The following ITGA8 variants were observed in gnomAD, a reference collection of about 807,000 sequenced individuals.
The protein encoded by ITGA8 is integrin subunit alpha 8, also known as integrin alpha-8.
In ITGA8, 91 loss-of-function variants were observed where a neutral mutation model predicts 142.3. The ratio of observed to expected loss-of-function variants is 0.64; its 90% CI spans 0.54 to 0.76. The LOEUF (loss-of-function observed/expected upper bound fraction) is 0.76, where lower values mean the gene tolerates loss of function less well. Ranked by LOEUF, ITGA8 falls within the 30% of genes least tolerant of loss-of-function variation. ITGA8 has a pLI of 0.00. For missense variants in ITGA8, 1,406 were observed against 1,327.7 expected, an observed-to-expected ratio of 1.06 and a Z score of -0.92; for synonymous variants, 505 against 485.2, an observed-to-expected ratio of 1.04 and a Z score of -0.54.
At chr10:15,520,778 G>A (rs1327678467) in intron 28 of ITGA8, among the ~76,000 whole-genome samples, 1 of 152,202 alleles carries the variant, frequency 6.6e-6, no homozygotes, top group Non-Finnish European at 1.5e-5. Flanking sequence ...CCACTCAGCT[G>A]GTCTAAGGTC....
intron 26 of ITGA8, among the ~76,000 whole-genome samples, chr10:15,557,436 T>A (rs1339294292): frequency 6.6e-6 from 1 of 152,194 alleles, no homozygotes; most frequent in African/African-American, 2.4e-5. Flanking sequence ...TGCTAAGGGC[T>A]AACTAAGCTC....
intron 2 of ITGA8, among the ~76,000 whole-genome samples, chr10:15,695,057 TAA>T (rs1407031020): frequency 6.6e-6 from 1 of 152,088 alleles, no homozygotes; most frequent in Non-Finnish European, 1.5e-5. Flanking sequence ...CTTTGCTAGT[TAA>T]AGTTATGTAA....
At chr10:15,689,759 C>T in intron 2 of ITGA8, among the ~76,000 whole-genome samples, 1 of 152,196 alleles carries the variant, frequency 6.6e-6, no homozygotes, top group Non-Finnish European at 1.5e-5. Context: ...CTCACACAGA[C>T]ACACAGCGTG....
intron 23 of ITGA8, among the ~76,000 whole-genome samples, chr10:15,577,071 G>A (rs977296586): frequency 3.3e-5 from 5 of 152,156 alleles, no homozygotes; most frequent in Non-Finnish European, 5.9e-5. Flanking sequence ...CAAAGCTGGC[G>A]TTTGCTTTCA....
intron 2 of ITGA8, among the ~76,000 whole-genome samples, chr10:15,715,844 G>A (rs376150408): frequency 6.5e-4 from 99 of 152,342 alleles, no homozygotes; most frequent in African/African-American, 2.2e-3. Flanking sequence ...GCCACTGCCA[G>A]TTCCACTATC....
At chr10:15,552,882 C>A (rs188521433) in intron 26 of ITGA8, among the ~76,000 whole-genome samples, 2 of 152,286 alleles carry the variant, frequency 1.3e-5, no homozygotes, top group Admixed American at 1.3e-4. Flanking sequence ...TGATAACATG[C>A]AGAGCTTTAT....
intron 2 of ITGA8, among the ~76,000 whole-genome samples, chr10:15,696,860 C>CCA (rs1409986480): frequency 2.3e-4 from 29 of 123,990 alleles, no homozygotes; most frequent in African/African-American, 1.0e-3. Flanking sequence ...CTAACTCTTA[C>CCA]CAAAAAAAAA....
At chr10:15,686,058 G>A (rs1031409746) in intron 3 of ITGA8, among the ~76,000 whole-genome samples, 1 of 152,134 alleles carries the variant, frequency 6.6e-6, no homozygotes, top group Non-Finnish European at 1.5e-5. Context: ...AGACAGAATC[G>A]TAGAACACAG....
chr10:15,631,199 A>T (rs1229290340), intron 13 of ITGA8, among the ~76,000 whole-genome samples: 3 of 152,030 alleles, frequency 2.0e-5, no homozygotes, highest in Middle Eastern at 3.2e-3. Flanking sequence ...CATTTGAGCC[A>T]GCAATCCTTT....
chr10:15,580,627 TC>T (rs1834391089), intron 23 of ITGA8, among the ~76,000 whole-genome samples: 1 of 152,056 alleles, frequency 6.6e-6, no homozygotes, highest in Non-Finnish European at 1.5e-5. Flanking sequence ...GGTTTAAAAT[TC>T]AAAACCAAAA....
intron 11 of ITGA8, 142 bp from the exon 12 acceptor site, chr10:15,647,193 G>C (rs948996223): frequency 9.5e-6 from 6 of 633,640 alleles, no homozygotes; most frequent in Non-Finnish European, 1.7e-5. Flanking sequence ...GATTGCTTTC[G>C]CTGCTTTGTT....
intron 15 of ITGA8, among the ~76,000 whole-genome samples, chr10:15,611,841 C>A (rs1490209110): frequency 6.6e-6 from 1 of 151,286 alleles, no homozygotes. Context: ...CAGTCTTATA[C>A]AAATATGCAT....
At chr10:15,678,285 A>T (rs9333098) in intron 5 of ITGA8, among the ~76,000 whole-genome samples, 1 of 152,156 alleles carries the variant, frequency 6.6e-6, no homozygotes, top group African/African-American at 2.4e-5. Context: ...TTCCCTCTAC[A>T]TTCTTACTGA....
chr10:15,680,757 T>A (rs1461759838), intron 4 of ITGA8, among the ~76,000 whole-genome samples: 1 of 151,838 alleles, frequency 6.6e-6, no homozygotes, highest in Non-Finnish European at 1.5e-5. Context: ...CTGAAAAAAA[T>A]TAAGAGAAAA....
At chr10:15,593,789 A>C (rs1564365862) in intron 21 of ITGA8, among the ~76,000 whole-genome samples, 1 of 151,984 alleles carries the variant, frequency 6.6e-6, no homozygotes, top group Non-Finnish European at 1.5e-5. Flanking sequence ...TCAAAGTATC[A>C]CAGCTGGTAT....
At chr10:15,556,726 T>G (rs1174075411) in intron 26 of ITGA8, among the ~76,000 whole-genome samples, 3 of 152,232 alleles carry the variant, frequency 2.0e-5, no homozygotes, top group East Asian at 1.9e-4. Flanking sequence ...TTATGCTCTT[T>G]TAGTTATTTT....
In ITGA8 at chr10:15,517,016, A is replaced by ATC; in HGVS notation, c.*141_*142insGA. On this transcript the variant is annotated 3_prime_UTR_variant, in exon 30 of 30. Transcript: ENST00000378076. ...ACAATTTCTCCAAAGTGCGGTGTAG[A>ATC]TGAGGTGATGTTTCCAGGGTCCCCT... 1 of 566,510 alleles carries ATC rather than the reference A, an allele frequency of 1.8e-6. No homozygotes were observed. The highest frequency in any genetic ancestry group is 3.0e-6 in the Non-Finnish European group (1 of 328,358). The allele number at this position is 566,510 out of a possible 1,614,324, so 35.1% of individuals were successfully genotyped here.
intron 13 of ITGA8, among the ~76,000 whole-genome samples, chr10:15,628,147 G>A (rs758879336): frequency 1.3e-5 from 2 of 151,770 alleles, no homozygotes; most frequent in African/African-American, 2.4e-5. Flanking sequence ...CACTCCTTTC[G>A]CAGAAAACTT....
At chr10:15,690,864 CT>C (rs754595996) in intron 2 of ITGA8, among the ~76,000 whole-genome samples, 1 of 151,936 alleles carries the variant, frequency 6.6e-6, no homozygotes, top group Non-Finnish European at 1.5e-5. Context: ...AACCAATCCC[CT>C]AAAAAGCTTT....
Sources: allele counts gnomAD v4.1 joint callset (sites outside exome capture counted in the v4.1 genomes callset), GRCh38; gene constraint gnomAD v4.1.1; transcripts MANE v1.5; gene names NCBI Gene and HGNC (gene_info 2026-07-23, HGNC 2026-07-21).